SAMD5: variants seen among roughly 807,000 people sequenced by gnomAD.
SAMD5 encodes sterile alpha motif domain containing 5.
In SAMD5, 13 loss-of-function variants were observed where a neutral mutation model predicts 11.3. The ratio of observed to expected loss-of-function variants is 1.15; its 90% CI spans 0.75 to 1.83. SAMD5 has a LOEUF of 1.83. SAMD5 is among the 40% of genes most tolerant of loss of function. The probability of loss-of-function intolerance (pLI) is 0.00; values close to 1 mark genes in which losing one functional copy is unlikely to be tolerated. For missense variants in SAMD5, 255 were observed against 239.1 expected (o/e 1.07, Z -0.44); for synonymous variants, 129 against 111.3 (o/e 1.16, Z -1.00).
chr6:147,788,854 C>G, the SAMD5 span, among the ~76,000 whole-genome samples: 1 of 151,978 alleles, frequency 6.6e-6, no homozygotes, highest in Non-Finnish European at 1.5e-5. Flanking sequence ...GAGGCCAAGG[C>G]GGGAGGATCA....
the SAMD5 span, among the ~76,000 whole-genome samples, chr6:147,906,427 A>G: frequency 6.6e-6 from 1 of 152,198 alleles, no homozygotes; most frequent in Non-Finnish European, 1.5e-5. Context: ...TGGCTTTTAC[A>G]CCCCAGATTC....
chr6:147,787,114 T>C, the SAMD5 span, among the ~76,000 whole-genome samples: 10 of 152,338 alleles, frequency 6.6e-5, no homozygotes, highest in East Asian at 1.9e-4. Flanking sequence ...AAAAATCTAT[T>C]TGTATGTCCA....
intron 1 of SAMD5, among the ~76,000 whole-genome samples, chr6:147,640,459 T>C (rs981638740): frequency 7.9e-6 from 1 of 126,982 alleles, no homozygotes; most frequent in African/African-American, 3.0e-5. Context: ...ATCACGCCAC[T>C]GTCCTCCAGC....
chr6:147,909,575 T>TTCCTTCCTTC, the SAMD5 span, among the ~76,000 whole-genome samples: 2 of 57,088 alleles, frequency 3.5e-5, no homozygotes, highest in African/African-American at 2.2e-4. Context: ...TTTCTTTCTT[T>TTCCTTCCTTC]CTTTCTTTCT....
chr6:147,802,559 A>G, the SAMD5 span, among the ~76,000 whole-genome samples: 9 of 151,460 alleles, frequency 5.9e-5, no homozygotes, highest in African/African-American at 2.2e-4. Context: ...ACCCCTGGGT[A>G]GAGAAAGAAG....
At chr6:147,767,939 C>T in the SAMD5 span, among the ~76,000 whole-genome samples, 1 of 152,098 alleles carries the variant, frequency 6.6e-6, no homozygotes, top group South Asian at 2.1e-4. Context: ...GCACAGGAAA[C>T]AGCAAACACA....
At chr6:147,815,783 C>T in the SAMD5 span, among the ~76,000 whole-genome samples, 1 of 152,022 alleles carries the variant, frequency 6.6e-6, no homozygotes, top group African/African-American at 2.4e-5. Flanking sequence ...AGCCCCCTCC[C>T]AGGAGTCAGA....
At chr6:147,952,169 G>A in the SAMD5 span, among the ~76,000 whole-genome samples, 3 of 152,094 alleles carry the variant, frequency 2.0e-5, no homozygotes, top group Admixed American at 6.5e-5. Flanking sequence ...CGGTGCTTGA[G>A]GACTCAGAAT....
intron 1 of SAMD5, among the ~76,000 whole-genome samples, chr6:147,649,607 C>G (rs561654010): frequency 2.6e-4 from 40 of 152,242 alleles, no homozygotes; most frequent in African/African-American, 9.1e-4. Context: ...GCCTGGCCAA[C>G]ATGACAAAAC....
At chr6:147,581,177 A>G (rs910681518) in intron 1 of SAMD5, among the ~76,000 whole-genome samples, 1 of 152,182 alleles carries the variant, frequency 6.6e-6, no homozygotes, top group Non-Finnish European at 1.5e-5. Flanking sequence ...GAAGGAGCAG[A>G]CGTATATGGC....
the SAMD5 span, among the ~76,000 whole-genome samples, chr6:147,926,128 A>C: frequency 6.6e-6 from 1 of 152,178 alleles, no homozygotes; most frequent in African/African-American, 2.4e-5. Context: ...TGCTATTGTG[A>C]ATAGTACTGC....
At chr6:147,727,151 T>G (rs563687993) in intron 1 of SAMD5, among the ~76,000 whole-genome samples, 2 of 152,324 alleles carry the variant, frequency 1.3e-5, no homozygotes, top group East Asian at 3.9e-4. Context: ...TTCTCTCCAC[T>G]TGCCCTTACA....
the SAMD5 span, among the ~76,000 whole-genome samples, chr6:147,796,495 T>C: frequency 6.6e-6 from 1 of 152,172 alleles, no homozygotes. Context: ...TGAAGTCAGG[T>C]AGTGTGATGC....
chr6:147,701,737 T>C (rs892806520), intron 1 of SAMD5, among the ~76,000 whole-genome samples: 1 of 152,090 alleles, frequency 6.6e-6, no homozygotes. Flanking sequence ...CTTGCCACAA[T>C]TGTATATTTT....
chr6:147,770,765 A>G, the SAMD5 span, among the ~76,000 whole-genome samples: 1 of 152,216 alleles, frequency 6.6e-6, no homozygotes, highest in Non-Finnish European at 1.5e-5. Context: ...TTCTTCATAA[A>G]TGAACATCTT....
the SAMD5 span, among the ~76,000 whole-genome samples, chr6:147,883,551 CTTTCTA>C: frequency 0.13 from 19,357 of 152,016 alleles, 1,966 homozygotes; most frequent in African/African-American, 0.27. Flanking sequence ...TCTGTAAATC[CTTTCTA>C]TTTCTTTTTC....
At chr6:147,650,021 G>A (rs1450107371) in intron 1 of SAMD5, among the ~76,000 whole-genome samples, 1 of 152,198 alleles carries the variant, frequency 6.6e-6, no homozygotes, top group Non-Finnish European at 1.5e-5. Context: ...ACTTTGGAGA[G>A]TGAAAGGTGC....
At chr6:147,789,953 A>G in the SAMD5 span, among the ~76,000 whole-genome samples, 1 of 152,246 alleles carries the variant, frequency 6.6e-6, no homozygotes, top group Non-Finnish European at 1.5e-5. Context: ...ATTGCCAAGA[A>G]TACAGAACAA....
At chr6:147,706,923 A>G (rs540832184) in intron 1 of SAMD5, among the ~76,000 whole-genome samples, 15 of 152,298 alleles carry the variant, frequency 9.8e-5, no homozygotes, top group African/African-American at 3.6e-4. Context: ...TTGGGCCCAC[A>G]CTATTTATGA....
Sources: gnomAD v4.1 joint callset for allele counts (sites outside exome capture counted in the v4.1 genomes callset) on GRCh38, gnomAD v4.1.1 for gene constraint, MANE v1.5 for transcripts, NCBI Gene and HGNC (gene_info 2026-07-23, HGNC 2026-07-21) for gene names.